CERS3: variants seen among roughly 807,000 people sequenced by gnomAD.
CERS3 encodes ceramide synthase 3.
CERS3 carries 33 observed loss-of-function variants against 50.3 expected under a neutral mutation model. The observed-to-expected ratio is 0.66, with a 90% CI of 0.50 to 0.88. The LOEUF (loss-of-function observed/expected upper bound fraction) is 0.88. CERS3 is among the 40% of genes least tolerant of loss of function. The pLI is 0.00. For synonymous variants in CERS3, 176 were observed against 155.2 expected (o/e 1.13, Z -0.99); for missense variants, 470 against 460.3 (o/e 1.02, Z -0.19).
At chr15:100,403,486 A>G (rs143764887) in intron 11 of CERS3, among the ~76,000 whole-genome samples, 11 of 152,304 alleles carry the variant, frequency 7.2e-5, no homozygotes, top group South Asian at 2.1e-4. Flanking sequence ...CTTTGAAAAG[A>G]TCTAATAACT....
At chr15:100,509,535 C>T in intron 2 of CERS3, among the ~76,000 whole-genome samples, 1 of 152,178 alleles carries the variant, frequency 6.6e-6, no homozygotes, top group East Asian at 1.9e-4. Context: ...GCAAGGTGGG[C>T]AAACAAGTCA....
rs531199884 is a variant in CERS3 at position 100,417,374 on chromosome 15, G to C, written c.1000-14509C>G. Among the ~76,000 whole-genome samples, 105 of 151,476 alleles carry C rather than the reference G, an allele frequency of 6.9e-4. 1 individual carries two copies. Among genetic ancestry groups the C allele is most frequent in the African/African-American group, 2.1e-3 (86 of 40,780 alleles). On this transcript the variant is annotated intron_variant, in intron 11 of 11. Coordinates refer to ENST00000679737, the MANE Select transcript of CERS3 (RefSeq NM_001378789.1). ...CACCCTAATACTGCGCTTTTCCGAC[G>C]GGCTTAAAAAATGGCGCACCACGAG...
chr15:100,411,480 A>G (rs1204071625), intron 11 of CERS3, among the ~76,000 whole-genome samples: 1 of 152,020 alleles, frequency 6.6e-6, no homozygotes, highest in African/African-American at 2.4e-5. Flanking sequence ...TTCCTTTTAA[A>G]GGCTGAATAA....
In CERS3 at chr15:100,517,672, A is replaced by G. The variant is rs528567647; in HGVS notation, c.-2+3995T>C. On this transcript the variant is annotated intron_variant, in intron 2 of 11. Transcript: ENST00000679737. ...CAAGCTCCAAATTTTAATATTTTAAAATGTGTTTCTTATGTAATGTTTGCA... is the reference window on the plus strand; with the variant it reads ...CAAGCTCCAAATTTTAATATTTTAAGATGTGTTTCTTATGTAATGTTTGCA... Among the ~76,000 whole-genome samples the G allele has an allele frequency of 2.6e-5, 4 of 152,274 alleles. No individual in the cohort carries two copies. The South Asian group carries it at 6.2e-4, about 24-fold the overall frequency.
At chr15:100,502,401 A>ACTATTCACACTTTTGGCAAAT (rs1478530881) in intron 2 of CERS3, among the ~76,000 whole-genome samples, 2 of 152,188 alleles carry the variant, frequency 1.3e-5, no homozygotes, top group African/African-American at 4.8e-5. Context: ...GGAAAAACTC[A>ACTATTCACACTTTTGGCAAAT]AGTTTAACAC....
At chr15:100,477,669 C>T (rs571084603) in intron 7 of CERS3, among the ~76,000 whole-genome samples, 67 of 152,182 alleles carry the variant, frequency 4.4e-4, no homozygotes, top group African/African-American at 1.6e-3. Context: ...CTGCATATGC[C>T]AGTTTATAAG....
intron 11 of CERS3, among the ~76,000 whole-genome samples, chr15:100,453,322 C>A (rs1389784296): frequency 6.6e-6 from 1 of 152,048 alleles, no homozygotes; most frequent in Non-Finnish European, 1.5e-5. Context: ...GGGATTCAAC[C>A]CAGGGATGCA....
At chr15:100,523,886 A>G (rs2036711525) in intron 1 of CERS3, among the ~76,000 whole-genome samples, 1 of 152,200 alleles carries the variant, frequency 6.6e-6, no homozygotes, top group Non-Finnish European at 1.5e-5. Context: ...TGGACAGTGA[A>G]GATCTAGAAG....
intron 10 of CERS3, among the ~76,000 whole-genome samples, chr15:100,457,690 G>C (rs1317701413): frequency 1.3e-5 from 2 of 152,176 alleles, no homozygotes; most frequent in African/African-American, 4.8e-5. Flanking sequence ...GTATATAGGG[G>C]TAGAATTGTG....
intron 10 of CERS3, among the ~76,000 whole-genome samples, chr15:100,458,522 C>T (rs1813591): frequency 0.99 from 149,646 of 151,560 alleles, 73,899 homozygotes; most frequent in Middle Eastern, 1. Flanking sequence ...GGAGGCAGAG[C>T]GTGCAGTGAG....
intron 3 of CERS3, among the ~76,000 whole-genome samples, chr15:100,492,435 C>G (rs1414792360): frequency 6.6e-6 from 1 of 152,124 alleles, no homozygotes; most frequent in Non-Finnish European, 1.5e-5. Context: ...ACAGATTTAC[C>G]CTTTTATTAT....
At chr15:100,529,131 G>A (rs1310486676), upstream of CERS3, 1 of 152,216 alleles carries the variant, frequency 6.6e-6, no homozygotes, top group Non-Finnish European at 1.5e-5. Flanking sequence ...TGCATCAGTT[G>A]CCTCATCGTT....
chr15:100,495,337 C>T (rs550071412), intron 3 of CERS3, among the ~76,000 whole-genome samples: 3 of 152,296 alleles, frequency 2.0e-5, no homozygotes, highest in Non-Finnish European at 2.9e-5. Flanking sequence ...CAAGAATCTG[C>T]TGTTTTTCTT....
At chr15:100,406,129 T>A (rs929641716) in intron 11 of CERS3, among the ~76,000 whole-genome samples, 2 of 152,170 alleles carry the variant, frequency 1.3e-5, no homozygotes, top group Non-Finnish European at 2.9e-5. Flanking sequence ...AGATCCACCC[T>A]CATTGTGGAA....
chr15:100,447,769 G>A (rs1190976182), intron 11 of CERS3, among the ~76,000 whole-genome samples: 1 of 152,146 alleles, frequency 6.6e-6, no homozygotes, highest in African/African-American at 2.4e-5. Flanking sequence ...AGGACATTCT[G>A]TATGCTATAG....
chr15:100,460,914 C>T (rs2034528519), intron 10 of CERS3, among the ~76,000 whole-genome samples: 3 of 152,158 alleles, frequency 2.0e-5, no homozygotes, highest in African/African-American at 7.2e-5. Context: ...TGGCAGGGTT[C>T]TACATGTACA....
intron 2 of CERS3, among the ~76,000 whole-genome samples, chr15:100,518,413 T>C (rs1393947): frequency 0.62 from 94,638 of 151,876 alleles, 29,737 homozygotes; most frequent in Admixed American, 0.73. Flanking sequence ...ATAAATTTCA[T>C]TTATTCAATT....
At chr15:100,491,146 C>G (rs2035639228) in intron 3 of CERS3, among the ~76,000 whole-genome samples, 1 of 151,728 alleles carries the variant, frequency 6.6e-6, no homozygotes, top group African/African-American at 2.4e-5. Flanking sequence ...TTGCACAATT[C>G]TAAAATGCAT....
At position 100,473,089 on chromosome 15, in the gene CERS3, T is replaced by C. The variant is rs539013207; in HGVS notation, c.610-37A>G. 6.3e-6 allele frequency: 10 copies of C among 1,585,762 alleles called. No homozygotes were observed. The African/African-American group carries it at 9.5e-5, about 15-fold the overall frequency. On this transcript the variant is annotated intron_variant, in intron 8 of 11. Coordinates refer to ENST00000679737, the MANE Select transcript of CERS3 (RefSeq NM_001378789.1). ...GGGAAAATGGAAGCCATTAAGGAAATGCATTTATTTCCCAATCACTGGAAG... is the reference window on the plus strand; with the variant it reads ...GGGAAAATGGAAGCCATTAAGGAAACGCATTTATTTCCCAATCACTGGAAG...
Sources: gnomAD v4.1 joint callset for allele counts (sites outside exome capture counted in the v4.1 genomes callset) on GRCh38, gnomAD v4.1.1 for gene constraint, MANE v1.5 for transcripts, NCBI Gene and HGNC (gene_info 2026-07-23, HGNC 2026-07-21) for gene names.